The following MINDY3 variants were observed in gnomAD, a reference collection of about 807,000 sequenced individuals.
The protein encoded by MINDY3 is ubiquitin carboxyl-terminal hydrolase MINDY-3.
A neutral mutation model predicts 69.2 loss-of-function variants in MINDY3; 38 were observed. The ratio of observed to expected loss-of-function variants is 0.55; its 90% confidence interval spans 0.42 to 0.72. MINDY3 has a LOEUF of 0.72. Ranked by LOEUF, MINDY3 falls within the 30% of genes least tolerant of loss-of-function variation. The probability of loss-of-function intolerance (pLI) is 0.00; values close to 1 mark genes in which losing one functional copy is unlikely to be tolerated. For missense variants in MINDY3, 522 were observed against 519.0 expected (o/e 1.01, Z -0.06); for synonymous variants, 192 against 180.1 (o/e 1.07, Z -0.53).
chr10:15,845,327 T>C (rs1359644555), intron 2 of MINDY3, among the ~76,000 whole-genome samples: 1 of 152,200 alleles, frequency 6.6e-6, no homozygotes, highest in Non-Finnish European at 1.5e-5. Context: ...GTATTATGTA[T>C]TTGGTTCCAT....
chr10:15,794,580 T>C (rs1338491049), intron 11 of MINDY3, among the ~76,000 whole-genome samples: 2 of 152,124 alleles, frequency 1.3e-5, no homozygotes, highest in Non-Finnish European at 2.9e-5. Flanking sequence ...AAGCATTTAG[T>C]AATTTTCTTT....
At chr10:15,842,576 G>C (rs1298466574) in intron 3 of MINDY3, among the ~76,000 whole-genome samples, 2 of 151,776 alleles carry the variant, frequency 1.3e-5, no homozygotes, top group East Asian at 1.9e-4. Context: ...TCATGGTTTG[G>C]AATGTAAGCT....
chr10:15,860,506 G>C lies in MINDY3; in HGVS notation c.-207C>G, dbSNP rs7895562. On this transcript the variant is annotated 5_prime_UTR_variant, in exon 1 of 15. Coordinates refer to ENST00000277632, the MANE Select transcript of MINDY3 (RefSeq NM_024948.4). ...CAGCAGCGAGTTTTCCGTACCGGAA[G>C]TGCTGGTGCCACTTCCGACTCCTCT... The C allele has an allele frequency of 4.6e-4, 276 of 599,026 alleles. No individual in the cohort carries two copies. In the African/African-American group the frequency reaches 4.6e-3, roughly 10 times the overall value. The allele number at this position is 599,026 out of a possible 1,614,324, so 37.1% of individuals were successfully genotyped here. A position where few individuals can be genotyped will look rare whatever the true frequency, so the allele number is the denominator to read the frequency against.
chr10:15,836,118 T>A (rs1011268366), intron 6 of MINDY3, among the ~76,000 whole-genome samples: 19 of 152,066 alleles, frequency 1.2e-4, no homozygotes, highest in Non-Finnish European at 2.6e-4. Context: ...CCCAGTCTCA[T>A]CTTCCACAGT....
chr10:15,839,693 T>C (rs766674603), intron 4 of MINDY3, among the ~76,000 whole-genome samples: 2 of 151,468 alleles, frequency 1.3e-5, no homozygotes, highest in African/African-American at 2.4e-5. Flanking sequence ...ACAGGTAAAA[T>C]AGATTGTTAC....
At chr10:15,796,277 T>C (rs1271995985) in intron 10 of MINDY3, 105 bp from the exon 11 acceptor site, 34 of 844,410 alleles carry the variant, frequency 4.0e-5, no homozygotes, top group Non-Finnish European at 8.0e-6. Flanking sequence ...GTCAGAAGAC[T>C]TTGAGTTACA....
chr10:15,809,815 G>C (rs1316403485), intron 10 of MINDY3, among the ~76,000 whole-genome samples: 2 of 152,068 alleles, frequency 1.3e-5, no homozygotes, highest in Admixed American at 1.3e-4. Context: ...CTATGTCAAG[G>C]AGTACAATAA....
chr10:15,835,366 T>G (rs527795576), intron 6 of MINDY3, among the ~76,000 whole-genome samples: 16 of 152,234 alleles, frequency 1.1e-4, no homozygotes, highest in South Asian at 6.2e-4. Flanking sequence ...TCTATCATAT[T>G]AGAGGTCATT....
At chr10:15,800,257 T>G (rs1290988947) in intron 10 of MINDY3, among the ~76,000 whole-genome samples, 3 of 152,118 alleles carry the variant, frequency 2.0e-5, no homozygotes, top group African/African-American at 7.2e-5. Flanking sequence ...GCCACAAATC[T>G]ATTATAAAAA....
chr10:15,813,967 T>A (rs1588569424), intron 10 of MINDY3, among the ~76,000 whole-genome samples: 2 of 91,012 alleles, frequency 2.2e-5, no homozygotes, highest in African/African-American at 4.5e-5. Flanking sequence ...TAAAGCAAAC[T>A]CACCAAAACT....
At chr10:15,803,089 T>C (rs1838381417) in intron 10 of MINDY3, among the ~76,000 whole-genome samples, 1 of 152,188 alleles carries the variant, frequency 6.6e-6, no homozygotes, top group Non-Finnish European at 1.5e-5. Context: ...ACAATGCTTT[T>C]TGGATCACTG....
intron 6 of MINDY3, among the ~76,000 whole-genome samples, chr10:15,836,203 C>G (rs143566781): frequency 5.4e-4 from 82 of 152,130 alleles, no homozygotes; most frequent in African/African-American, 1.9e-3. Flanking sequence ...TACCCTCAAT[C>G]CCTTACACTT....
At chr10:15,813,535 A>C (rs1003762320) in intron 10 of MINDY3, among the ~76,000 whole-genome samples, 2 of 152,174 alleles carry the variant, frequency 1.3e-5, no homozygotes, top group Admixed American at 1.3e-4. Context: ...TTATTTATAT[A>C]TCCTTGAGTA....
At chr10:15,855,108 T>C (rs1180983999) in intron 1 of MINDY3, among the ~76,000 whole-genome samples, 1 of 152,128 alleles carries the variant, frequency 6.6e-6, no homozygotes, top group African/African-American at 2.4e-5. Context: ...GGGCTTTCAG[T>C]TGGAAATGCG....
chr10:15,783,659 T>G (rs950239153), intron 13 of MINDY3, among the ~76,000 whole-genome samples: 4 of 152,196 alleles, frequency 2.6e-5, no homozygotes, highest in African/African-American at 9.7e-5. Flanking sequence ...TTCTATTATT[T>G]TGAAAGACTG....
At chr10:15,836,222 G>A (rs931298097) in intron 6 of MINDY3, among the ~76,000 whole-genome samples, 37 of 152,008 alleles carry the variant, frequency 2.4e-4, no homozygotes, top group African/African-American at 8.9e-4. Flanking sequence ...TTTTATACTT[G>A]CAGTGCCCAC....
intron 10 of MINDY3, among the ~76,000 whole-genome samples, chr10:15,802,783 TA>T (rs1203705972): frequency 6.6e-6 from 1 of 152,020 alleles, no homozygotes; most frequent in Non-Finnish European, 1.5e-5. Context: ...CTGTCATTAC[TA>T]ATACAACAAA....
At chr10:15,785,998 T>C (rs905411072) in intron 13 of MINDY3, among the ~76,000 whole-genome samples, 2 of 152,120 alleles carry the variant, frequency 1.3e-5, no homozygotes, top group Non-Finnish European at 2.9e-5. Context: ...GAAAGATGGG[T>C]ATTGGATATA....
intron 1 of MINDY3, among the ~76,000 whole-genome samples, chr10:15,859,928 A>G (rs1223253388): frequency 2.6e-5 from 4 of 152,216 alleles, no homozygotes; most frequent in African/African-American, 9.6e-5. Flanking sequence ...CCTGCAACCC[A>G]GCAAGGGGCC....
Sources: allele counts gnomAD v4.1 joint callset (sites outside exome capture counted in the v4.1 genomes callset), GRCh38; gene constraint gnomAD v4.1.1; transcripts MANE v1.5; gene names NCBI Gene and HGNC (gene_info 2026-07-23, HGNC 2026-07-21).